QRICH2: variants seen among roughly 807,000 people sequenced by gnomAD.
QRICH2 encodes glutamine-rich protein 2.
Under a neutral mutation model 168.3 loss-of-function variants are expected in QRICH2, and 119 were observed. The observed-to-expected ratio is 0.71, with a 90% CI of 0.61 to 0.82. The LOEUF is 0.82. Ranked by LOEUF, QRICH2 falls within the 40% of genes least tolerant of loss-of-function variation. QRICH2 has a pLI of 0.00. For missense variants in QRICH2, 2,241 were observed against 2,491.6 expected, an observed-to-expected ratio of 0.90 and a Z score of 2.14; for synonymous variants, 894 against 951.2, an observed-to-expected ratio of 0.94 and a Z score of 1.11.
chr17:76,278,030 C>T lies in QRICH2; in HGVS notation c.5076G>A (p.Glu1692=). ...STKASSQIIR[E]LLHAQCLGSP... ...AGCCCAGGCACTGGGCGTGCAGCAG[C>T]TCGCGGATTATCTGGCTGCTGGCCT... The change falls in exon 15 of 19, where the codon GAG becomes GAA. Residue 1692 remains glutamate (E), a synonymous_variant. Transcript: ENST00000680821. The T allele has an allele frequency of 6.2e-7, 1 of 1,613,630 alleles. No homozygotes were observed.
At chr17:76,277,459 C>T (rs910901297) in intron 15 of QRICH2, 149 bp from the exon 16 acceptor site, 49 of 938,692 alleles carry the variant, frequency 5.2e-5, no homozygotes, top group East Asian at 3.7e-4. Context: ...CCAGAACAGG[C>T]GGGCGGGGGT....
intron 3 of QRICH2, among the ~76,000 whole-genome samples, chr17:76,302,721 C>T (rs936672837): frequency 7.2e-5 from 11 of 152,112 alleles, no homozygotes; most frequent in African/African-American, 2.7e-4. Context: ...CTGGTACTGG[C>T]CTTGTGTCCT....
In QRICH2 at chr17:76,294,032, A is replaced by G. The variant is rs1196657831; in HGVS notation, c.706-11T>C. On this transcript the variant is annotated splice_polypyrimidine_tract_variant and intron_variant, in intron 3 of 18. Coordinates refer to ENST00000680821, the MANE Select transcript of QRICH2 (RefSeq NM_001388453.1). Reference sequence around the variant, plus strand: ...AAGTGTTTCTGAGCCCTGGTTGGAGAGGAAGAAGGAAATCAATAACAGTCA... The same window carrying G: ...AAGTGTTTCTGAGCCCTGGTTGGAGGGGAAGAAGGAAATCAATAACAGTCA... 2 of 1,577,806 alleles carry G rather than the reference A, an allele frequency of 1.3e-6. No homozygotes were observed. The highest frequency in any genetic ancestry group is 2.7e-5 in the African/African-American group (2 of 73,504).
At position 76,291,201 on chromosome 17, in the gene QRICH2, G is replaced by T; in HGVS notation, c.3526C>A (p.Leu1176Met). ...SEGSEVSSEV[L>M]SERRNSLRRM... The stretch of plus-strand genomic sequence containing the variant: ...CGCAGTGAATTGCGTCGCTCACTCA[G>T]GACTTCACTCGAGACTTCGCTCCCT... Residue 1176 changes from leucine to methionine, a missense_variant, in exon 4 of 19, where the codon CTG becomes ATG. Leu to Met is a conservative substitution (Grantham distance 15, BLOSUM62 2). This residue lies in a region of QRICH2 where 2,047 missense variants were observed against 2,303.8 expected (regional missense o/e 0.89). Transcript: ENST00000680821. The T allele has an allele frequency of 6.2e-7, 1 of 1,614,174 alleles. No individual in the cohort carries two copies. The highest frequency in any genetic ancestry group is 8.5e-7 in the Non-Finnish European group (1 of 1,180,038).
chr17:76,280,335 C>T lies in QRICH2; in HGVS notation c.4578G>A (p.Gln1526=). The change falls in exon 11 of 19, where the codon CAG becomes CAA. Residue 1526 remains glutamine (Q), a synonymous_variant. Transcript: ENST00000680821. The surrounding 1 kb of genome is among the most constrained non-coding windows in gnomAD (Gnocchi z 7.4). ...ELVAKMSGQE[Q]DWQKMLDRLL... is the part of the protein sequence containing the mutation. Reference sequence around the variant, plus strand: ...GCCTGTCCAGCATCTTCTGCCAGTCCTGCTCCTGCCCGCTCATCTTGGCCA... The same window carrying T: ...GCCTGTCCAGCATCTTCTGCCAGTCTTGCTCCTGCCCGCTCATCTTGGCCA... The T allele has an allele frequency of 6.2e-7, 1 of 1,614,210 alleles. No individual in the cohort carries two copies. The highest frequency in any genetic ancestry group is 1.1e-5 in the South Asian group (1 of 91,090).
intron 1 of QRICH2, 43 bp from the exon 2 acceptor site, chr17:76,304,984 C>T (rs1422084528): frequency 7.4e-7 from 1 of 1,343,260 alleles, no homozygotes; most frequent in Non-Finnish European, 1.1e-6. Flanking sequence ...GTGGCCCCTA[C>T]ACACGCACAC....
chr17:76,303,872 CAAAAAAA>C (rs67296304), intron 3 of QRICH2, among the ~76,000 whole-genome samples: 1 of 71,686 alleles, frequency 1.4e-5, no homozygotes, highest in African/African-American at 5.5e-5. Flanking sequence ...AACTCTGTCT[CAAAAAAA>C]AAAAAAAAAA....
rs940804616 is a variant in QRICH2, at chr17:76,285,898, T to C, written c.4011+1294A>G. Among the ~76,000 whole-genome samples the C allele has an allele frequency of 2.7e-4, 40 of 150,474 alleles. 1 individual carries two copies. Among genetic ancestry groups the C allele is most frequent in the South Asian group, 1.7e-3 (8 of 4,742 alleles). On this transcript the variant is annotated intron_variant, in intron 7 of 18. Coordinates refer to ENST00000680821, the MANE Select transcript of QRICH2 (RefSeq NM_001388453.1). Reference sequence around the variant, plus strand: ...AAAAAAACAACTTATTATGGCCAGGTGCGGTGGCTCACGCCTATAATCCCA... The same window carrying C: ...AAAAAAACAACTTATTATGGCCAGGCGCGGTGGCTCACGCCTATAATCCCA...
Position 76,293,227 on chromosome 17 carries a change from C to G in QRICH2, c.1500G>C (p.Met500Ile). The stretch of plus-strand genomic sequence containing the variant: ...CAGGGGGTACTAGTCCTTGCTGACC[C>G]ATGCCTGATATTACACATCCACGCT... ...MDQRGCVISG[M>I]GQQGLVPPGI... The change falls in exon 4 of 19, where the codon ATG becomes ATC. Residue 500 changes from methionine to isoleucine, a missense_variant. Coordinates refer to ENST00000680821, the MANE Select transcript of QRICH2 (RefSeq NM_001388453.1). 1.2e-6 allele frequency: 2 copies of G among 1,614,066 alleles called. No homozygotes were observed. The highest frequency in any genetic ancestry group is 1.7e-6 in the Non-Finnish European group (2 of 1,180,038).
Position 76,275,912 on chromosome 17 carries a change from T to A in QRICH2, c.5389A>T (p.Arg1797Trp). Reference protein sequence around the residue: ...GTSKRKSQQPRPHVHRPPSLS... With the variant: ...GTSKRKSQQPWPHVHRPPSLS... ...GATGGCGGCCTGTGCACGTGGGGCC[T>A]GGGCTGCTGGGACTTGCGCTTTGAG... Residue 1797 changes from arginine (R) to tryptophan (W), a missense_variant, in exon 18 of 19, where the codon AGG (arginine) becomes TGG (tryptophan). This residue lies in a region of QRICH2 where 189 missense variants were observed against 169.3 expected (regional missense o/e 1.12). Coordinates refer to ENST00000680821, the MANE Select transcript of QRICH2 (RefSeq NM_001388453.1). 3 of 1,608,854 alleles carry A rather than the reference T, an allele frequency of 1.9e-6. No individual in the cohort carries two copies. Among genetic ancestry groups the A allele is most frequent in the Non-Finnish European group, 2.5e-6 (3 of 1,179,912 alleles).
At position 76,307,981 on chromosome 17, in the gene QRICH2, C is replaced by A; in HGVS notation, c.18G>T (p.Thr6=). The A allele has an allele frequency of 8.1e-7, 1 of 1,232,988 alleles. No individual in the cohort carries two copies. The highest frequency in any genetic ancestry group is 1.0e-6 in the Non-Finnish European group (1 of 988,340). 76.4% of individuals were successfully genotyped at this position (1,232,988 alleles called of 1,614,324 possible). A position where few individuals can be genotyped will look rare whatever the true frequency, so the allele number is the denominator to read the frequency against. The change falls in exon 1 of 19, where the codon ACG becomes ACT. Residue 6 remains threonine, a synonymous_variant. Transcript: ENST00000680821. The surrounding 1 kb of genome is among the most constrained non-coding windows in gnomAD (Gnocchi z 5.3). Reference sequence around the variant, plus strand: ...GGTCCGCCAGCTCCCGGAGGGAGACCGTGGTCGCGGGCGGCATCGTGGCTG... The same window carrying A: ...GGTCCGCCAGCTCCCGGAGGGAGACAGTGGTCGCGGGCGGCATCGTGGCTG... The part of the protein sequence containing the change: MPPAT[T]VSLRELADLS...
At chr17:76,309,707 T>A (rs2071049160), upstream of QRICH2, 1 of 152,220 alleles carries the variant, frequency 6.6e-6, no homozygotes, top group Non-Finnish European at 1.5e-5. Flanking sequence ...GCAGTAGGTA[T>A]TACAAGTCAT....
chr17:76,287,552 C>T (rs1008867244), intron 6 of QRICH2, among the ~76,000 whole-genome samples: 3 of 152,160 alleles, frequency 2.0e-5, no homozygotes, highest in African/African-American at 7.2e-5. Flanking sequence ...CCTTCAGCCT[C>T]CGACTGGGGA....
rs1568107148 is a variant in QRICH2 at position 76,280,486 on chromosome 17, G to GA, written c.4462-36dup. 6.2e-7 allele frequency: 1 copy of GA among 1,609,284 alleles called. No homozygotes were observed. Among genetic ancestry groups the GA allele is most frequent in the East Asian group, 2.2e-5 (1 of 44,878 alleles). On this transcript the variant is annotated intron_variant, in intron 10 of 18. Coordinates refer to ENST00000680821, the MANE Select transcript of QRICH2 (RefSeq NM_001388453.1). The surrounding 1 kb of genome is among the most constrained non-coding windows in gnomAD (Gnocchi z 7.4). ...GACAGACAGAGGTCCCCGCATCTGG[G>GA]AGATGGCCATGGAGGGGCCCCATTC... is the stretch of plus-strand genomic sequence containing the variant.
In QRICH2 at chr17:76,281,816, G is replaced by T; in HGVS notation, c.4263+48C>A. ...GTCTGCAGCAGGGTGGCCCTCCTCT[G>T]TGGGGCCATGTCCAGTTGCAGCAGG... is the stretch of plus-strand genomic sequence containing the variant. On this transcript the variant is annotated intron_variant, in intron 8 of 18. Transcript: ENST00000680821. This position sits in a 1 kb window ranked among gnomAD's most constrained non-coding sequence, Gnocchi z 4.4. 1 of 1,597,134 alleles carries T rather than the reference G, an allele frequency of 6.3e-7. No homozygotes were observed. Among genetic ancestry groups the T allele is most frequent in the Non-Finnish European group, 8.6e-7 (1 of 1,168,252 alleles).
intron 5 of QRICH2, among the ~76,000 whole-genome samples, 153 bp from the exon 6 acceptor site, chr17:76,288,050 C>T (rs2070922495): frequency 6.6e-6 from 1 of 152,140 alleles, no homozygotes; most frequent in South Asian, 2.1e-4. Flanking sequence ...CATCCATCCG[C>T]CCATTCATCC....
rs1171231007 is a variant in QRICH2, at chr17:76,291,021, G to T, written c.3706C>A (p.Gln1236Lys). 1.2e-6 allele frequency: 2 copies of T among 1,611,560 alleles called. No homozygotes were observed. The highest frequency in any genetic ancestry group is 1.7e-6 in the Non-Finnish European group (2 of 1,177,836). Reference sequence around the variant, plus strand: ...ATCGGCAAGCGGCACCCACCCATCTGTGCCAGCAGGAACTGGATCTTCTCC... The same window carrying T: ...ATCGGCAAGCGGCACCCACCCATCTTTGCCAGCAGGAACTGGATCTTCTCC... ...DLEKIQFLLA[Q>K]MVKRTIPPEL... Residue 1236 changes from glutamine (Q) to lysine (K), a missense_variant, in exon 4 of 19, where the codon CAG (glutamine) becomes AAG (lysine). Transcript: ENST00000680821.
chr17:76,290,209 T>C, intron 4 of QRICH2, 132 bp from the exon 5 acceptor site: 1 of 580,730 alleles, frequency 1.7e-6, no homozygotes, highest in Non-Finnish European at 3.1e-6. Context: ...CTGTGTCTCC[T>C]GGTGACTGGG....
At chr17:76,296,293 G>T (rs1304238324) in intron 3 of QRICH2, among the ~76,000 whole-genome samples, 1 of 152,166 alleles carries the variant, frequency 6.6e-6, no homozygotes, top group African/African-American at 2.4e-5. Context: ...AAGTTATGAA[G>T]GACAATAATC....
Sources: gnomAD v4.1 joint callset for allele counts (sites outside exome capture counted in the v4.1 genomes callset) on GRCh38, gnomAD v4.1.1 for gene constraint, gnomAD v4.1.1 regional missense constraint, Gnocchi (gnomAD v3.1) non-coding constraint, MANE v1.5 for transcripts, NCBI Gene and HGNC (gene_info 2026-07-23, HGNC 2026-07-21) for gene names.